Variants in NBAS observed in about 807,000 individuals in gnomAD.
NBAS encodes the protein NAG/BC035112 fusion.
In NBAS, 219 loss-of-function variants were observed where a neutral mutation model predicts 302.5. The observed-to-expected ratio is 0.72, with a 90% CI of 0.65 to 0.81. The LOEUF (loss-of-function observed/expected upper bound fraction) is 0.81, where lower values mean the gene tolerates loss of function less well. Ranked by LOEUF, NBAS falls within the 30% of genes least tolerant of loss-of-function variation. The pLI is 0.00. For synonymous variants in NBAS, 1,118 were observed against 1,021.6 expected, an observed-to-expected ratio of 1.09 and a Z score of -1.80; for missense variants, 2,932 against 2,841.6, an observed-to-expected ratio of 1.03 and a Z score of -0.72.
chr2:15,559,377 T>C (rs1262260227), intron 1 of NBAS, among the ~76,000 whole-genome samples: 1 of 152,166 alleles, frequency 6.6e-6, no homozygotes, highest in Non-Finnish European at 1.5e-5. Context: ...TAACAAAACA[T>C]ACACAGATAC....
the NBAS span, among the ~76,000 whole-genome samples, chr2:15,100,822 G>A: frequency 1.3e-5 from 2 of 152,132 alleles, no homozygotes; most frequent in Non-Finnish European, 2.9e-5. Context: ...TGTCTGTATA[G>A]TTGGTGTGTC....
intron 30 of NBAS, 26 bp downstream of exon 30, chr2:15,379,576 T>A: frequency 6.2e-7 from 1 of 1,601,226 alleles, no homozygotes; most frequent in East Asian, 2.2e-5. Context: ...CCCTCCATCT[T>A]AGGGAAGAAT....
chr2:15,493,492 A>T (rs536062825), intron 11 of NBAS, among the ~76,000 whole-genome samples: 6 of 152,180 alleles, frequency 3.9e-5, no homozygotes, highest in Admixed American at 3.9e-4. Context: ...ACATGGTAAA[A>T]CCCCATCTCT....
chr2:15,500,259 C>A (rs1295785250), intron 11 of NBAS, among the ~76,000 whole-genome samples: 2 of 151,928 alleles, frequency 1.3e-5, no homozygotes, highest in Non-Finnish European at 2.9e-5. Flanking sequence ...TGCATACATT[C>A]GAAACATTCT....
chr2:14,950,972 G>A, the NBAS span, among the ~76,000 whole-genome samples: 2 of 152,116 alleles, frequency 1.3e-5, no homozygotes, highest in South Asian at 4.2e-4. Flanking sequence ...AGGGCTTGGG[G>A]AAAGGACATT....
chr2:14,942,231 TG>T, the NBAS span, among the ~76,000 whole-genome samples: 1 of 152,220 alleles, frequency 6.6e-6, no homozygotes, highest in East Asian at 1.9e-4. Flanking sequence ...CACCCTGATA[TG>T]GTTTGGGTCT....
intron 38 of NBAS, among the ~76,000 whole-genome samples, chr2:15,318,628 C>A (rs1671634745): frequency 6.6e-6 from 1 of 152,032 alleles, no homozygotes; most frequent in Admixed American, 6.6e-5. Flanking sequence ...GACTTTAAAC[C>A]AACAAAGAGC....
chr2:15,430,843 G>A (rs963301976), intron 21 of NBAS, among the ~76,000 whole-genome samples: 2 of 151,910 alleles, frequency 1.3e-5, no homozygotes, highest in Non-Finnish European at 2.9e-5. Context: ...GTCTCGCTCG[G>A]TCGCCCAGTC....
At chr2:15,429,367 A>C (rs1170911714) in intron 21 of NBAS, among the ~76,000 whole-genome samples, 1 of 152,246 alleles carries the variant, frequency 6.6e-6, no homozygotes, top group African/African-American at 2.4e-5. Context: ...CTGAGTATCA[A>C]TAGTAGCATT....
intron 11 of NBAS, among the ~76,000 whole-genome samples, chr2:15,503,777 CA>C (rs1219160450): frequency 2.0e-5 from 3 of 151,456 alleles, no homozygotes; most frequent in Admixed American, 1.3e-4. Context: ...AATATTAAGC[CA>C]AAAAATGATA....
At chr2:14,913,310 C>T in the NBAS span, among the ~76,000 whole-genome samples, 1 of 152,160 alleles carries the variant, frequency 6.6e-6, no homozygotes, top group South Asian at 2.1e-4. Flanking sequence ...CTTGATGCTC[C>T]TAACCACTGA....
chr2:15,224,486 C>G (rs1052339396), intron 47 of NBAS, among the ~76,000 whole-genome samples: 1 of 152,194 alleles, frequency 6.6e-6, no homozygotes, highest in African/African-American at 2.4e-5. Flanking sequence ...AACATTAGGT[C>G]TCTTCCATAC....
At chr2:15,147,455 T>C in the NBAS span, among the ~76,000 whole-genome samples, 1 of 151,946 alleles carries the variant, frequency 6.6e-6, no homozygotes, top group African/African-American at 2.4e-5. Flanking sequence ...TAGCCTGGTG[T>C]GCTGGCGCAT....
the NBAS span, among the ~76,000 whole-genome samples, chr2:15,028,261 T>C: frequency 6.6e-6 from 1 of 152,184 alleles, no homozygotes; most frequent in Non-Finnish European, 1.5e-5. Flanking sequence ...TGAATAAGAA[T>C]CGTCTGGGTA....
intron 35 of NBAS, among the ~76,000 whole-genome samples, chr2:15,334,177 C>T (rs1672473372): frequency 7.3e-6 from 1 of 137,780 alleles, no homozygotes. Flanking sequence ...GTCTCCTCCT[C>T]TCTTCTCCTT....
chr2:14,830,170 C>A, the NBAS span, among the ~76,000 whole-genome samples: 1 of 152,194 alleles, frequency 6.6e-6, no homozygotes, highest in Non-Finnish European at 1.5e-5. Context: ...CATTAAATAG[C>A]TTCTGTTATA....
downstream of NBAS, among the ~76,000 whole-genome samples, chr2:15,165,574 C>T (rs369516853): frequency 3.9e-5 from 6 of 152,074 alleles, no homozygotes; most frequent in East Asian, 1.9e-4. Flanking sequence ...GAGGTGAAGC[C>T]GACGATGATG....
intron 40 of NBAS, among the ~76,000 whole-genome samples, chr2:15,294,779 C>T (rs985921980): frequency 2.0e-5 from 3 of 152,156 alleles, no homozygotes; most frequent in Non-Finnish European, 4.4e-5. Flanking sequence ...TCAGTTGTTC[C>T]TTGAAGGAGT....
At chr2:15,184,955 T>C (rs1019561030) in intron 50 of NBAS, among the ~76,000 whole-genome samples, 2 of 152,220 alleles carry the variant, frequency 1.3e-5, no homozygotes, top group African/African-American at 4.8e-5. Flanking sequence ...ACTGATCATC[T>C]AGATGCTAAA....
Sources: gnomAD v4.1 joint callset for allele counts (sites outside exome capture counted in the v4.1 genomes callset) on GRCh38, gnomAD v4.1.1 for gene constraint, MANE v1.5 for transcripts, NCBI Gene and HGNC (gene_info 2026-07-23, HGNC 2026-07-21) for gene names.